The following UGP2 variants were observed in gnomAD, a reference collection of about 807,000 sequenced individuals.
UGP2 encodes UDP-glucose pyrophosphorylase 2, also known as UTP--glucose-1-phosphate uridylyltransferase.
UGP2 carries 40 observed loss-of-function variants against 49.0 expected under a neutral mutation model. That is an observed-to-expected ratio of 0.82 (90% CI 0.63 to 1.06). The LOEUF is 1.06. UGP2 is among the 50% of genes least tolerant of loss of function. The probability of loss-of-function intolerance (pLI) is 0.00; values close to 1 mark genes in which losing one functional copy is unlikely to be tolerated. For missense variants in UGP2, 460 were observed against 603.5 expected, an observed-to-expected ratio of 0.76 and a Z score of 2.49; for synonymous variants, 225 against 213.0, an observed-to-expected ratio of 1.06 and a Z score of -0.49.
rs1161570799 is a variant in UGP2 at position 63,884,068 on chromosome 2, A to T, written c.550A>T (p.Lys184Ter). Residue 184 changes from lysine to a stop codon, truncating the protein, a stop_gained, in exon 5 of 10, where the codon AAA becomes TAA. Coordinates refer to ENST00000337130, the MANE Select transcript of UGP2 (RefSeq NM_006759.4). LOFTEE classifies it high-confidence loss of function. ...ILQKYNHCRV[K>*]IYTFNQSRYP... is the part of the protein sequence containing the mutation. ...ACAGAAGTACAATCATTGTCGTGTG[A>T]AAATCTACACTTTCAATCAAAGCAG... The T allele has an allele frequency of 4.3e-6, 7 of 1,612,922 alleles. No individual in the cohort carries two copies. The highest frequency in any genetic ancestry group is 5.1e-6 in the Non-Finnish European group (6 of 1,179,802).
At chr2:63,890,221 C>A in intron 9 of UGP2, 36 bp downstream of exon 9, 3 of 1,475,086 alleles carry the variant, frequency 2.0e-6, no homozygotes, top group Non-Finnish European at 2.8e-6. Context: ...TTTCTTACAG[C>A]TTACAATATA....
At chr2:63,875,379 G>T (rs1054546401) in intron 3 of UGP2, among the ~76,000 whole-genome samples, 1 of 152,174 alleles carries the variant, frequency 6.6e-6, no homozygotes, top group African/African-American at 2.4e-5. Context: ...GTGTTTGGCA[G>T]TGTCTCCAGG....
intron 7 of UGP2, among the ~76,000 whole-genome samples, chr2:63,886,837 A>G (rs1412898073): frequency 6.6e-6 from 1 of 152,212 alleles, no homozygotes; most frequent in Non-Finnish European, 1.5e-5. Context: ...TCATTTGGCC[A>G]TCGGTACTTT....
chr2:63,854,154 C>T (rs561163824), intron 1 of UGP2, among the ~76,000 whole-genome samples: 11 of 152,310 alleles, frequency 7.2e-5, no homozygotes, highest in African/African-American at 9.6e-5. Flanking sequence ...TTGGCCTGCT[C>T]TGTGACCTTG....
chr2:63,870,262 A>G (rs1670463271), intron 3 of UGP2, among the ~76,000 whole-genome samples: 2 of 152,226 alleles, frequency 1.3e-5, no homozygotes, highest in Admixed American at 1.3e-4. Context: ...TTGGGAGTTA[A>G]TAGCTGGGAA....
At chr2:63,846,287 G>A (rs1367651077) in intron 1 of UGP2, 1 of 152,090 alleles carries the variant, frequency 6.6e-6, no homozygotes, top group African/African-American at 2.4e-5. Flanking sequence ...TTTGTCAGTG[G>A]GTGCCATTTG....
At chr2:63,863,406 C>T (rs1274250511) in intron 3 of UGP2, among the ~76,000 whole-genome samples, 1 of 151,744 alleles carries the variant, frequency 6.6e-6, no homozygotes, top group Admixed American at 6.6e-5. Flanking sequence ...TCTAGTTTTC[C>T]AGGTTTAAAG....
intron 1 of UGP2, among the ~76,000 whole-genome samples, chr2:63,848,221 G>T (rs568040060): frequency 2.0e-5 from 3 of 152,232 alleles, no homozygotes; most frequent in East Asian, 3.9e-4. Flanking sequence ...TTGCCGTTTT[G>T]ACATAGCCTA....
Position 63,856,468 on chromosome 2 carries a change from C to G in UGP2, c.147+35C>G, listed in dbSNP as rs1338750778. 2.5e-6 allele frequency: 4 copies of G among 1,576,474 alleles called. No homozygotes were observed. The Admixed American group carries it at 6.9e-5, about 27-fold the overall frequency. On this transcript the variant is annotated intron_variant, in intron 2 of 9. Coordinates refer to ENST00000337130, the MANE Select transcript of UGP2 (RefSeq NM_006759.4). ...TTTCTACAGTGTTCCACCCCCCCGC[C>G]CCTCCCTTCATCTGTCTTCATGCTG...
At chr2:63,886,083 G>GT (rs1671652366) in intron 6 of UGP2, among the ~76,000 whole-genome samples, 197 bp downstream of exon 6, 1 of 152,072 alleles carries the variant, frequency 6.6e-6, no homozygotes, top group African/African-American at 2.4e-5. Flanking sequence ...AGCTACATCA[G>GT]TAATTTTAAC....
At chr2:63,873,145 A>G (rs1303389087) in intron 3 of UGP2, among the ~76,000 whole-genome samples, 7 of 152,264 alleles carry the variant, frequency 4.6e-5, no homozygotes, top group Non-Finnish European at 1.0e-4. Flanking sequence ...CACAGGCTGC[A>G]TACAACTAAC....
chr2:63,874,279 C>CT (rs1393726449), intron 3 of UGP2, among the ~76,000 whole-genome samples: 1 of 152,016 alleles, frequency 6.6e-6, no homozygotes, highest in East Asian at 1.9e-4. Context: ...TGCTCAAATT[C>CT]TTTTTTAAAA....
At chr2:63,852,684 G>C (rs149512298) in intron 1 of UGP2, among the ~76,000 whole-genome samples, 1 of 152,252 alleles carries the variant, frequency 6.6e-6, no homozygotes, top group Non-Finnish European at 1.5e-5. Flanking sequence ...GTCATGACTA[G>C]GAGAGTAAAA....
intron 8 of UGP2, chr2:63,888,593 C>T (rs1358560824): frequency 2.6e-5 from 4 of 152,386 alleles, no homozygotes; most frequent in African/African-American, 9.7e-5. Flanking sequence ...CAACCCTGCA[C>T]AGGCCGCCAT....
At chr2:63,884,265 C>G (rs1481250322) in intron 5 of UGP2, among the ~76,000 whole-genome samples, 172 bp downstream of exon 5, 1 of 152,210 alleles carries the variant, frequency 6.6e-6, no homozygotes, top group African/African-American at 2.4e-5. Flanking sequence ...TATAATCACT[C>G]TGGTTCTCTA....
intron 3 of UGP2, among the ~76,000 whole-genome samples, chr2:63,863,561 A>G (rs897390927): frequency 6.6e-6 from 1 of 152,216 alleles, no homozygotes; most frequent in African/African-American, 2.4e-5. Context: ...AGGTTAACAC[A>G]TGAGCATTGA....
At chr2:63,843,350 G>A (rs1031822579) in intron 1 of UGP2, among the ~76,000 whole-genome samples, 4 of 152,168 alleles carry the variant, frequency 2.6e-5, no homozygotes, top group Admixed American at 2.6e-4. Context: ...CCTTATATGT[G>A]GTAAGAGATG....
chr2:63,862,997 T>C, intron 3 of UGP2: 8 of 375,108 alleles, frequency 2.1e-5, no homozygotes, highest in South Asian at 1.6e-4. Context: ...CCTTTGTCCT[T>C]TCTAATCATA....
At chr2:63,878,893 G>C (rs1339359570) in intron 3 of UGP2, among the ~76,000 whole-genome samples, 1 of 152,004 alleles carries the variant, frequency 6.6e-6, no homozygotes, top group Non-Finnish European at 1.5e-5. Context: ...ATGGTGTGTG[G>C]ATCAAAGCTG....
Sources: gnomAD v4.1 joint callset for allele counts (sites outside exome capture counted in the v4.1 genomes callset) on GRCh38, gnomAD v4.1.1 for gene constraint, MANE v1.5 for transcripts, NCBI Gene and HGNC (gene_info 2026-07-23, HGNC 2026-07-21) for gene names.